RABGAP1L: variants seen among roughly 807,000 people sequenced by gnomAD.
The protein encoded by RABGAP1L is rab GTPase-activating protein 1-like.
A neutral mutation model predicts 137.7 loss-of-function variants in RABGAP1L; 63 were observed. That is an observed-to-expected ratio of 0.46 (90% CI 0.37 to 0.56). The LOEUF is 0.56. RABGAP1L is among the 20% of genes least tolerant of loss of function. The pLI, the probability that RABGAP1L is intolerant of heterozygous loss-of-function variation, is 0.00. For synonymous variants in RABGAP1L, 431 were observed against 433.7 expected, an observed-to-expected ratio of 0.99 and a Z score of 0.08; for missense variants, 1,095 against 1,244.0, an observed-to-expected ratio of 0.88 and a Z score of 1.80.
intron 19 of RABGAP1L, among the ~76,000 whole-genome samples, chr1:174,919,325 G>C (rs1374969193): frequency 6.6e-6 from 1 of 151,984 alleles, no homozygotes; most frequent in Non-Finnish European, 1.5e-5. Context: ...GCCAATCCGT[G>C]GTTCTTTACT....
intron 19 of RABGAP1L, chr1:174,877,300 A>G: frequency 9.9e-7 from 1 of 1,014,646 alleles, no homozygotes; most frequent in Non-Finnish European, 1.5e-6. Context: ...ACTGGGGGTG[A>G]ATTGCTAGCC....
intron 14 of RABGAP1L, among the ~76,000 whole-genome samples, chr1:174,658,069 G>C (rs1676094551): frequency 6.6e-6 from 1 of 152,188 alleles, no homozygotes. Context: ...CAAGCTGTTA[G>C]TTTTCAAGGT....
intron 14 of RABGAP1L, among the ~76,000 whole-genome samples, chr1:174,644,819 C>G (rs1674819703): frequency 1.3e-5 from 2 of 152,136 alleles, no homozygotes; most frequent in Non-Finnish European, 2.9e-5. Context: ...TTTAAAGCCT[C>G]TTCTTTAATC....
At chr1:174,195,731 TTTTC>T (rs758201910) in intron 1 of RABGAP1L, among the ~76,000 whole-genome samples, 2,129 of 85,190 alleles carry the variant, frequency 0.025, 60 homozygotes, top group African/African-American at 0.056. Context: ...CTTTTCTTTC[TTTTC>T]TTTCTTTCTT....
At chr1:174,855,812 A>T (rs570217941) in intron 19 of RABGAP1L, among the ~76,000 whole-genome samples, 1 of 152,214 alleles carries the variant, frequency 6.6e-6, no homozygotes, top group Non-Finnish European at 1.5e-5. Flanking sequence ...TTTATTATGT[A>T]TAGAAATTTC....
intron 14 of RABGAP1L, among the ~76,000 whole-genome samples, chr1:174,665,875 A>T (rs1676753686): frequency 6.6e-6 from 1 of 152,386 alleles, no homozygotes; most frequent in Non-Finnish European, 1.5e-5. Flanking sequence ...GTAGAGTAGT[A>T]GTAACTAATA....
intron 13 of RABGAP1L, among the ~76,000 whole-genome samples, chr1:174,604,112 A>C (rs1670609505): frequency 6.6e-6 from 1 of 151,998 alleles, no homozygotes; most frequent in South Asian, 2.1e-4. Flanking sequence ...GCACAGCACC[A>C]AGACTTGACC....
chr1:174,375,939 G>A (rs1188378442), intron 12 of RABGAP1L, among the ~76,000 whole-genome samples: 2 of 151,940 alleles, frequency 1.3e-5, no homozygotes, highest in Admixed American at 1.3e-4. Context: ...ATGGTGGTGT[G>A]CACCTGTAAT....
chr1:174,431,179 T>G (rs1017767616), intron 13 of RABGAP1L, among the ~76,000 whole-genome samples: 1 of 152,188 alleles, frequency 6.6e-6, no homozygotes, highest in Non-Finnish European at 1.5e-5. Flanking sequence ...CAGACTTTTG[T>G]AGGAAATATC....
At chr1:174,524,794 T>C (rs573652599) in intron 13 of RABGAP1L, among the ~76,000 whole-genome samples, 1 of 70,402 alleles carries the variant, frequency 1.4e-5, no homozygotes, top group East Asian at 2.2e-4. Context: ...TTTAAGTCTT[T>C]AACCCATCTT....
At chr1:174,420,075 T>C (rs2149160814) in intron 13 of RABGAP1L, among the ~76,000 whole-genome samples, 1 of 152,252 alleles carries the variant, frequency 6.6e-6, no homozygotes, top group Non-Finnish European at 1.5e-5. Context: ...TCCCATTCCT[T>C]CTCTCGGGTT....
chr1:174,350,087 G>T (rs1682972899), intron 11 of RABGAP1L, among the ~76,000 whole-genome samples: 1 of 138,606 alleles, frequency 7.2e-6, no homozygotes, highest in Admixed American at 6.9e-5. Context: ...TGGGCGGGGG[G>T]CTGACCCCCC....
intron 19 of RABGAP1L, among the ~76,000 whole-genome samples, chr1:174,837,780 T>G (rs1196017917): frequency 6.6e-6 from 1 of 152,232 alleles, no homozygotes; most frequent in Non-Finnish European, 1.5e-5. Context: ...AGAATTATTT[T>G]CTTTCCCATT....
rs1269944906 is a variant in RABGAP1L at position 174,880,021 on chromosome 1, A to T, written c.2340+68061A>T. 2.0e-5 allele frequency among the ~76,000 whole-genome samples: 3 copies of T among 150,058 alleles called. No individual in the cohort carries two copies. The Admixed American group carries it at 2.0e-4, about 10-fold the overall frequency. On this transcript the variant is annotated intron_variant, in intron 19 of 25. Coordinates refer to ENST00000681986, the MANE Select transcript of RABGAP1L (RefSeq NM_001366446.1). ...GGCATGAGAAATGCTTGAACCCAGG[A>T]GGTGGATGTCACGGTGAGCTGAGAC...
chr1:174,773,573 T>G (rs922285740), intron 18 of RABGAP1L, among the ~76,000 whole-genome samples: 1 of 152,224 alleles, frequency 6.6e-6, no homozygotes, highest in African/African-American at 2.4e-5. Flanking sequence ...CAAAGATAGT[T>G]GTCCCAATTT....
At chr1:174,482,318 G>A (rs1294582972) in intron 13 of RABGAP1L, among the ~76,000 whole-genome samples, 2 of 152,126 alleles carry the variant, frequency 1.3e-5, no homozygotes, top group Admixed American at 6.5e-5. Context: ...CAGAGACAAA[G>A]GGATAAGTAA....
intron 14 of RABGAP1L, among the ~76,000 whole-genome samples, chr1:174,665,519 G>T (rs1676731393): frequency 7.0e-6 from 1 of 141,950 alleles, no homozygotes; most frequent in South Asian, 2.4e-4. Flanking sequence ...GCAGTGGCAT[G>T]ATCTCAGCTC....
intron 13 of RABGAP1L, among the ~76,000 whole-genome samples, chr1:174,413,212 C>G (rs1650150986): frequency 6.6e-6 from 1 of 152,122 alleles, no homozygotes; most frequent in Non-Finnish European, 1.5e-5. Context: ...CACTGGTCTT[C>G]AGGCTCTGAG....
intron 19 of RABGAP1L, chr1:174,877,661 T>A: frequency 6.5e-7 from 1 of 1,542,182 alleles, no homozygotes; most frequent in Admixed American, 1.7e-5. Context: ...TAACATGATA[T>A]CTATACTCCT....
Sources: allele counts gnomAD v4.1 joint callset (sites outside exome capture counted in the v4.1 genomes callset), GRCh38; gene constraint gnomAD v4.1.1; transcripts MANE v1.5; gene names NCBI Gene and HGNC (gene_info 2026-07-23, HGNC 2026-07-21).